MGAT4C: variants seen among roughly 807,000 people sequenced by gnomAD.
The protein encoded by MGAT4C is alpha-1,3-mannosyl-glycoprotein 4-beta-N-acetylglucosaminyltransferase C.
In MGAT4C, 19 loss-of-function variants were observed where a neutral mutation model predicts 40.1. The ratio of observed to expected loss-of-function variants is 0.47; its 90% CI spans 0.33 to 0.70. The LOEUF is 0.70. Among genes scored for constraint, MGAT4C ranks in the 30% least tolerant of loss-of-function variants. The probability of loss-of-function intolerance (pLI) is 0.02; values close to 1 mark genes in which losing one functional copy is unlikely to be tolerated. For synonymous variants in MGAT4C, 181 were observed against 187.1 expected, an observed-to-expected ratio of 0.97 and a Z score of 0.27; for missense variants, 491 against 563.2, an observed-to-expected ratio of 0.87 and a Z score of 1.30.
At position 85,963,721 on chromosome 12, in the gene MGAT4C, C is replaced by T. The variant is rs1883227127; in HGVS notation, c.*15568G>A. On this transcript the variant is annotated 3_prime_UTR_variant, in exon 5 of 5. Transcript: ENST00000611864. ...ACAGATAATATAATTCAAATCATGA[C>T]CCCAGGGCTGATGAAGTCTTGTTGT... The T allele has an allele frequency of 6.6e-6, 1 of 151,824 alleles. No individual in the cohort carries two copies. Among genetic ancestry groups the T allele is most frequent in the African/African-American group, 2.4e-5 (1 of 41,374 alleles). 9.4% of individuals were successfully genotyped at this position (151,824 alleles called of 1,614,324 possible). A position where few individuals can be genotyped will look rare whatever the true frequency, so the allele number is the denominator to read the frequency against.
intron 2 of MGAT4C, among the ~76,000 whole-genome samples, chr12:86,651,484 A>C (rs1963695462): frequency 6.6e-6 from 1 of 151,900 alleles, no homozygotes. Flanking sequence ...AACTCCATTA[A>C]TATTTTGAGT....
At chr12:86,651,988 A>G (rs1963710935) in intron 2 of MGAT4C, among the ~76,000 whole-genome samples, 1 of 152,046 alleles carries the variant, frequency 6.6e-6, no homozygotes, top group East Asian at 1.9e-4. Flanking sequence ...TGCTTTTTAC[A>G]GACACCAAAC....
chr12:86,655,612 T>G (rs1407402643), intron 2 of MGAT4C, among the ~76,000 whole-genome samples: 1 of 152,110 alleles, frequency 6.6e-6, no homozygotes, highest in Non-Finnish European at 1.5e-5. Context: ...CTATTATTCC[T>G]CAAGCATGCT....
intron 1 of MGAT4C, among the ~76,000 whole-genome samples, chr12:86,131,058 C>T (rs1050760742): frequency 1.3e-5 from 2 of 152,026 alleles, no homozygotes; most frequent in Non-Finnish European, 2.9e-5. Flanking sequence ...GAAAACATCT[C>T]TCAAGTTTTC....
intron 1 of MGAT4C, among the ~76,000 whole-genome samples, chr12:86,099,388 G>T (rs910262774): frequency 4.8e-5 from 7 of 147,106 alleles, no homozygotes; most frequent in Non-Finnish European, 7.5e-5. Flanking sequence ...TTTCTTTTGG[G>T]GGGGGGCAAA....
chr12:85,962,721 GA>G lies in MGAT4C; in HGVS notation c.*16567del, dbSNP rs913644966. 3.3e-5 allele frequency: 5 copies of G among 150,736 alleles called. No homozygotes were observed. The highest frequency in any genetic ancestry group is 1.2e-4 in the African/African-American group (5 of 41,324). The allele number at this position is 150,736 out of a possible 1,614,324, so 9.3% of individuals were successfully genotyped here. A position where few individuals can be genotyped will look rare whatever the true frequency, so the allele number is the denominator to read the frequency against. ...CTATCAACTACATTTTACATAGGAT[GA>G]AAAAAATCATTATTTTTATTAATCC... is the stretch of plus-strand genomic sequence containing the variant. On this transcript the variant is annotated 3_prime_UTR_variant, in exon 5 of 5. Transcript: ENST00000611864.
At chr12:86,568,457 T>A (rs1403069618) in intron 2 of MGAT4C, among the ~76,000 whole-genome samples, 1 of 151,672 alleles carries the variant, frequency 6.6e-6, no homozygotes, top group Non-Finnish European at 1.5e-5. Flanking sequence ...GAGACACAGA[T>A]TGGCTTCCTT....
At chr12:86,038,617 G>A (rs1891483502) in intron 2 of MGAT4C, among the ~76,000 whole-genome samples, 1 of 148,208 alleles carries the variant, frequency 6.7e-6, no homozygotes, top group Non-Finnish European at 1.5e-5. Context: ...TTTATTTTGA[G>A]CTTATATGTG....
At chr12:86,047,804 T>C (rs1892538345) in intron 2 of MGAT4C, among the ~76,000 whole-genome samples, 1 of 152,144 alleles carries the variant, frequency 6.6e-6, no homozygotes, top group Non-Finnish European at 1.5e-5. Context: ...GCAAAGCAGT[T>C]AGTATAAAAT....
At chr12:86,046,713 T>C (rs1157425043) in intron 2 of MGAT4C, among the ~76,000 whole-genome samples, 3 of 152,188 alleles carry the variant, frequency 2.0e-5, no homozygotes, top group Non-Finnish European at 4.4e-5. Flanking sequence ...ATCAAACTTA[T>C]TTCCACAATG....
intron 1 of MGAT4C, among the ~76,000 whole-genome samples, chr12:86,127,823 T>C (rs563135042): frequency 4.6e-5 from 7 of 152,306 alleles, no homozygotes; most frequent in East Asian, 3.9e-4. Context: ...TGGAAGGTCT[T>C]TGGGGCAGTA....
At chr12:86,658,025 G>A (rs1257977862) in intron 2 of MGAT4C, among the ~76,000 whole-genome samples, 1 of 151,724 alleles carries the variant, frequency 6.6e-6, no homozygotes, top group Non-Finnish European at 1.5e-5. Flanking sequence ...TTTAAAAGTT[G>A]GAAAGCAACA....
At chr12:86,614,448 G>A (rs1962384191) in intron 2 of MGAT4C, among the ~76,000 whole-genome samples, 1 of 151,994 alleles carries the variant, frequency 6.6e-6, no homozygotes, top group Non-Finnish European at 1.5e-5. Flanking sequence ...TATGCTTTAG[G>A]TAATCTCTGC....
intron 2 of MGAT4C, among the ~76,000 whole-genome samples, chr12:86,532,923 A>T (rs563901349): frequency 6.6e-6 from 1 of 152,200 alleles, no homozygotes; most frequent in South Asian, 2.1e-4. Flanking sequence ...TCTGACAATT[A>T]CAGAGACGAT....
At chr12:86,704,387 T>C (rs1950419836) in intron 2 of MGAT4C, among the ~76,000 whole-genome samples, 2 of 152,032 alleles carry the variant, frequency 1.3e-5, no homozygotes, top group South Asian at 4.1e-4. Context: ...TAAATACTAT[T>C]GGAAAGAGGT....
chr12:86,533,754 T>C (rs566643368), intron 2 of MGAT4C, among the ~76,000 whole-genome samples: 1 of 151,798 alleles, frequency 6.6e-6, no homozygotes, highest in African/African-American at 2.4e-5. Flanking sequence ...GACCCCCCTT[T>C]AGGCCAAGGG....
chr12:86,388,667 C>CGTTTCTT (rs1956105577), intron 3 of MGAT4C, among the ~76,000 whole-genome samples: 1 of 141,372 alleles, frequency 7.1e-6, no homozygotes, highest in African/African-American at 2.6e-5. Context: ...AACACTTCAG[C>CGTTTCTT]GTTTTTTGTT....
intron 2 of MGAT4C, among the ~76,000 whole-genome samples, chr12:86,528,279 C>CATG (rs1240387973): frequency 6.6e-6 from 1 of 152,012 alleles, no homozygotes; most frequent in East Asian, 1.9e-4. Context: ...CTCAAGCTTG[C>CATG]ATGGCCACAA....
intron 1 of MGAT4C, among the ~76,000 whole-genome samples, chr12:86,809,036 C>T (rs1952419929): frequency 6.6e-6 from 1 of 151,974 alleles, no homozygotes; most frequent in African/African-American, 2.4e-5. Flanking sequence ...TTCACAATTG[C>T]TACAAAGAGA....
Sources: allele counts gnomAD v4.1 joint callset (sites outside exome capture counted in the v4.1 genomes callset), GRCh38; gene constraint gnomAD v4.1.1; transcripts MANE v1.5; gene names NCBI Gene and HGNC (gene_info 2026-07-23, HGNC 2026-07-21).